RBFOX1: variants seen among roughly 807,000 people sequenced by gnomAD.
The protein encoded by RBFOX1 is RNA binding fox-1 homolog 1, also known as RNA binding protein fox-1 homolog 1.
In RBFOX1, 8 loss-of-function variants were observed where a neutral mutation model predicts 57.7. The ratio of observed to expected loss-of-function variants is 0.14; its 90% CI spans 0.08 to 0.25. The LOEUF is 0.25. Among genes scored for constraint, RBFOX1 ranks in the 10% least tolerant of loss-of-function variants. The pLI is 1.00. For missense variants in RBFOX1, 611 were observed against 548.5 expected (o/e 1.11, Z -1.14); for synonymous variants, 326 against 222.4 (o/e 1.47, Z -4.15).
chr16:6,971,531 A>C (rs1163411570), intron 3 of RBFOX1, among the ~76,000 whole-genome samples: 3 of 150,046 alleles, frequency 2.0e-5, no homozygotes, highest in African/African-American at 4.9e-5. Context: ...TGTGTGTACC[A>C]CTGGAGAATT....
At chr16:6,772,494 G>T (rs568321634) in intron 3 of RBFOX1, among the ~76,000 whole-genome samples, 1 of 151,062 alleles carries the variant, frequency 6.6e-6, no homozygotes, top group South Asian at 2.1e-4. Flanking sequence ...TGGGTATGGG[G>T]TGCGTTTGTG....
At chr16:6,277,665 CAAAAAAA>C in intron 1 of RBFOX1, among the ~76,000 whole-genome samples, 1 of 119,072 alleles carries the variant, frequency 8.4e-6, no homozygotes. Flanking sequence ...GACCTTGTCT[CAAAAAAA>C]AAAAAAAAAA....
chr16:5,268,780 A>G (rs183454100), intron 1 of RBFOX1, among the ~76,000 whole-genome samples: 5 of 152,350 alleles, frequency 3.3e-5, no homozygotes, highest in African/African-American at 1.2e-4. Context: ...TTGCTGGGTC[A>G]TTTGGTAACT....
chr16:6,302,974 G>A (rs1393526709), intron 1 of RBFOX1, among the ~76,000 whole-genome samples: 1 of 152,186 alleles, frequency 6.6e-6, no homozygotes, highest in African/African-American at 2.4e-5. Flanking sequence ...CATATTTTAT[G>A]TGGGGGTGTC....
chr16:6,623,266 A>T (rs1026912147), intron 2 of RBFOX1, among the ~76,000 whole-genome samples: 12 of 152,224 alleles, frequency 7.9e-5, no homozygotes, highest in Admixed American at 7.2e-4. Context: ...GACAGAGCTA[A>T]CCTGGAATTT....
intron 3 of RBFOX1, among the ~76,000 whole-genome samples, chr16:6,666,561 A>C (rs1684652094): frequency 6.7e-6 from 1 of 150,134 alleles, no homozygotes; most frequent in Admixed American, 6.7e-5. Flanking sequence ...AAAAAAAACA[A>C]ATCATGTCAC....
chr16:6,544,244 A>C (rs146729617), intron 2 of RBFOX1, among the ~76,000 whole-genome samples: 295 of 152,282 alleles, frequency 1.9e-3, no homozygotes, highest in Middle Eastern at 6.8e-3. Context: ...GGAAAGAGGT[A>C]CTTCTTGGCC....
At chr16:6,928,800 ATG>A (rs2153470383) in intron 3 of RBFOX1, among the ~76,000 whole-genome samples, 1 of 152,276 alleles carries the variant, frequency 6.6e-6, no homozygotes, top group East Asian at 1.9e-4. Context: ...GAAAAGACAT[ATG>A]CACACAGAAA....
intron 4 of RBFOX1, among the ~76,000 whole-genome samples, chr16:7,203,829 G>A (rs968757324): frequency 1.3e-5 from 2 of 152,086 alleles, no homozygotes; most frequent in Non-Finnish European, 2.9e-5. Flanking sequence ...TTGTCTTACC[G>A]GCCACGGATT....
chr16:6,286,691 C>G (rs1358427577), intron 1 of RBFOX1, among the ~76,000 whole-genome samples: 2 of 152,178 alleles, frequency 1.3e-5, no homozygotes, highest in African/African-American at 4.8e-5. Context: ...ACCCACTGGA[C>G]TGGAGAATGA....
intron 2 of RBFOX1, among the ~76,000 whole-genome samples, chr16:6,352,791 C>T (rs1170480907): frequency 6.6e-6 from 1 of 152,176 alleles, no homozygotes; most frequent in African/African-American, 2.4e-5. Flanking sequence ...CTGCCTTGCC[C>T]ATCTATTTAG....
intron 3 of RBFOX1, among the ~76,000 whole-genome samples, chr16:6,970,550 C>G (rs1200902972): frequency 6.6e-6 from 1 of 152,158 alleles, no homozygotes; most frequent in South Asian, 2.1e-4. Flanking sequence ...GGCTGAGTCT[C>G]TGCCTTATAA....
At chr16:6,253,699 G>GTGTGTGTGTATA (rs71145205) in intron 1 of RBFOX1, among the ~76,000 whole-genome samples, 4,351 of 142,376 alleles carry the variant, frequency 0.031, 122 homozygotes, top group Non-Finnish European at 0.04. Flanking sequence ...GTGTGTGTGT[G>GTGTGTGTGTATA]TATATATATA....
intron 4 of RBFOX1, among the ~76,000 whole-genome samples, chr16:7,071,882 AGTT>A (rs1567154077): frequency 6.6e-6 from 1 of 152,006 alleles, no homozygotes; most frequent in East Asian, 1.9e-4. Flanking sequence ...CTCCTAATTC[AGTT>A]GTTGAGACCA....
chr16:6,611,384 T>A (rs1171095570), intron 2 of RBFOX1, among the ~76,000 whole-genome samples: 2 of 152,104 alleles, frequency 1.3e-5, no homozygotes, highest in Non-Finnish European at 2.9e-5. Flanking sequence ...TGACCTCAGG[T>A]GATCCATCTG....
chr16:6,676,509 C>G (rs1000335220), intron 3 of RBFOX1, among the ~76,000 whole-genome samples: 1 of 152,050 alleles, frequency 6.6e-6, no homozygotes, highest in African/African-American at 2.4e-5. Context: ...AAAACTTTGA[C>G]TTGATCATTA....
chr16:5,838,328 C>A, intron 3 of RBFOX1: 3 of 188,496 alleles, frequency 1.6e-5, no homozygotes, highest in South Asian at 2.3e-4. Context: ...ACAGAGTTAT[C>A]CTTGAATGCA....
chr16:7,252,328 G>A (rs2094526057), intron 4 of RBFOX1, among the ~76,000 whole-genome samples: 1 of 152,158 alleles, frequency 6.6e-6, no homozygotes, highest in African/African-American at 2.4e-5. Context: ...AAGGAAAGTG[G>A]AAAACAAATT....
chr16:5,692,434 A>G (rs1267936537), intron 3 of RBFOX1, among the ~76,000 whole-genome samples: 5 of 152,070 alleles, frequency 3.3e-5, no homozygotes, highest in Non-Finnish European at 7.4e-5. Flanking sequence ...ACTGGGGAAG[A>G]CTTGAAGTGG....
Sources: gnomAD v4.1 joint callset for allele counts (sites outside exome capture counted in the v4.1 genomes callset) on GRCh38, gnomAD v4.1.1 for gene constraint, MANE v1.5 for transcripts, NCBI Gene and HGNC (gene_info 2026-07-23, HGNC 2026-07-21) for gene names.